CFAP299: variants seen among roughly 807,000 people sequenced by gnomAD.
The protein encoded by CFAP299 is cilia and flagella associated protein 299, also known as cilia- and flagella-associated protein 299.
CFAP299 carries 21 observed loss-of-function variants against 27.0 expected under a neutral mutation model. That is an observed-to-expected ratio of 0.78 (90% CI 0.55 to 1.12). The LOEUF is 1.12. Ranked by LOEUF, CFAP299 falls within the 50% of genes most tolerant of loss-of-function variation. The probability of loss-of-function intolerance (pLI) is 0.00; values close to 1 mark genes in which losing one functional copy is unlikely to be tolerated. For synonymous variants in CFAP299, 104 were observed against 98.1 expected, an observed-to-expected ratio of 1.06 and a Z score of -0.36; for missense variants, 310 against 276.6, an observed-to-expected ratio of 1.12 and a Z score of -0.86.
chr4:80,546,727 C>T lies in CFAP299; in HGVS notation c.243-36366C>T, dbSNP rs114364913. Among the ~76,000 whole-genome samples the T allele has an allele frequency of 8.6e-3, 1,303 of 152,216 alleles. 13 individuals carry two copies. The highest frequency in any genetic ancestry group is 0.027 in the African/African-American group (1,118 of 41,552). ...CTCTCTCTTGCTCCTGCTTTTGCCA[C>T]GTGAAATGCTTGCTCCCACTTTGCC... On this transcript the variant is annotated intron_variant, in intron 2 of 5. Coordinates refer to ENST00000358105, the MANE Select transcript of CFAP299 (RefSeq NM_152770.3).
chr4:80,905,105 A>G (rs1242109958), intron 4 of CFAP299, among the ~76,000 whole-genome samples: 2 of 152,222 alleles, frequency 1.3e-5, no homozygotes, highest in African/African-American at 4.8e-5. Flanking sequence ...AATAGAACCT[A>G]TCCTTTTTAG....
chr4:80,597,344 G>C (rs1737106934), intron 3 of CFAP299, among the ~76,000 whole-genome samples: 1 of 151,942 alleles, frequency 6.6e-6, no homozygotes, highest in African/African-American at 2.4e-5. Flanking sequence ...TGTGTTTATT[G>C]GTCATTTTAA....
At chr4:80,548,244 A>G (rs1560618358) in intron 2 of CFAP299, among the ~76,000 whole-genome samples, 2 of 152,200 alleles carry the variant, frequency 1.3e-5, no homozygotes, top group South Asian at 4.2e-4. Flanking sequence ...ATGTATTAAT[A>G]GCTGGAGGCC....
chr4:80,657,859 G>A (rs550607441), intron 3 of CFAP299, among the ~76,000 whole-genome samples: 11 of 152,246 alleles, frequency 7.2e-5, no homozygotes, highest in Admixed American at 1.3e-4. Context: ...TCCTATCCAT[G>A]AGCATAGAAC....
intron 2 of CFAP299, among the ~76,000 whole-genome samples, chr4:80,543,649 A>G (rs1241893144): frequency 3.3e-5 from 5 of 152,260 alleles, no homozygotes; most frequent in Non-Finnish European, 7.3e-5. Flanking sequence ...GGAGACAACA[A>G]TAATTTTTTA....
chr4:80,683,154 G>A (rs7685092), intron 3 of CFAP299, among the ~76,000 whole-genome samples: 108,034 of 152,040 alleles, frequency 0.71, 41,582 homozygotes, highest in Non-Finnish European at 0.85. Context: ...TGGTGATGGT[G>A]GTGGGAAGGG....
At chr4:80,839,791 C>A (rs150150587) in intron 3 of CFAP299, among the ~76,000 whole-genome samples, 14 of 151,722 alleles carry the variant, frequency 9.2e-5, no homozygotes, top group Admixed American at 4.6e-4. Context: ...CCCTAAATGT[C>A]TTTTAAGGTA....
At chr4:80,542,823 C>A (rs140639457) in intron 2 of CFAP299, among the ~76,000 whole-genome samples, 3 of 152,162 alleles carry the variant, frequency 2.0e-5, no homozygotes, top group Admixed American at 6.5e-5. Context: ...TTGCGTGTGA[C>A]CCTGCTGCTG....
At chr4:80,667,627 T>G (rs1741207836) in intron 3 of CFAP299, among the ~76,000 whole-genome samples, 2 of 152,172 alleles carry the variant, frequency 1.3e-5, no homozygotes, top group African/African-American at 4.8e-5. Context: ...TGACTTCCAG[T>G]TCTATCCATG....
chr4:80,870,693 C>T (rs1191330856), intron 4 of CFAP299: 13 of 985,304 alleles, frequency 1.3e-5, no homozygotes, highest in Non-Finnish European at 1.6e-5. Context: ...TCTTCTACTC[C>T]CTTCTAAATA....
intron 2 of CFAP299, among the ~76,000 whole-genome samples, chr4:80,399,984 T>G (rs1726051649): frequency 6.6e-6 from 1 of 151,352 alleles, no homozygotes; most frequent in Admixed American, 6.6e-5. Flanking sequence ...GTAATTAACA[T>G]TATAGAAATA....
At chr4:80,432,783 A>G (rs1727887834) in intron 2 of CFAP299, among the ~76,000 whole-genome samples, 1 of 151,882 alleles carries the variant, frequency 6.6e-6, no homozygotes, top group Admixed American at 6.6e-5. Flanking sequence ...CGGCCTCCCA[A>G]AGTGCTGGGA....
intron 3 of CFAP299, chr4:80,608,235 C>A: frequency 1.4e-6 from 1 of 708,616 alleles, no homozygotes; most frequent in South Asian, 2.1e-5. Flanking sequence ...CTGATTCCAA[C>A]AGTACCAGAG....
rs187179578 is a variant in CFAP299 at position 80,529,762 on chromosome 4, G to A, written c.243-53331G>A. 8.0e-5 allele frequency among the ~76,000 whole-genome samples: 12 copies of A among 150,024 alleles called. 1 individual carries two copies. Among genetic ancestry groups the A allele is most frequent in the African/African-American group, 2.4e-4 (10 of 40,858 alleles). On this transcript the variant is annotated intron_variant, in intron 2 of 5. Coordinates refer to ENST00000358105, the MANE Select transcript of CFAP299 (RefSeq NM_152770.3). The stretch of plus-strand genomic sequence containing the variant: ...GATACAATCCTTTTTTTTTTTCTTG[G>A]CAAACAAGTCAGGTGCAAGGAAAAG...
intron 3 of CFAP299, among the ~76,000 whole-genome samples, chr4:80,849,800 C>T (rs866079315): frequency 1.3e-5 from 2 of 151,968 alleles, no homozygotes; most frequent in African/African-American, 2.4e-5. Flanking sequence ...TTCTGAAGTT[C>T]TATTGCACAG....
intron 3 of CFAP299, among the ~76,000 whole-genome samples, chr4:80,630,352 T>G (rs1739142693): frequency 6.6e-6 from 1 of 152,178 alleles, no homozygotes; most frequent in South Asian, 2.1e-4. Flanking sequence ...CTGATAACTT[T>G]TCTCTTATCA....
chr4:80,887,727 A>T (rs533465839), intron 4 of CFAP299, among the ~76,000 whole-genome samples: 2 of 152,276 alleles, frequency 1.3e-5, no homozygotes, highest in African/African-American at 4.8e-5. Flanking sequence ...CTTAAGTAGA[A>T]AGACTAAATT....
chr4:80,889,632 G>T (rs1026025456), intron 4 of CFAP299, among the ~76,000 whole-genome samples: 1 of 152,010 alleles, frequency 6.6e-6, no homozygotes, highest in Admixed American at 6.6e-5. Flanking sequence ...TACAAAGCCA[G>T]CATTACCCTA....
chr4:80,858,138 G>T (rs1206681703), intron 3 of CFAP299, among the ~76,000 whole-genome samples: 4 of 152,216 alleles, frequency 2.6e-5, no homozygotes, highest in African/African-American at 7.2e-5. Flanking sequence ...AGTCTTGGGA[G>T]AGTGTATGTG....
Sources: allele counts gnomAD v4.1 joint callset (sites outside exome capture counted in the v4.1 genomes callset), GRCh38; gene constraint gnomAD v4.1.1; transcripts MANE v1.5; gene names NCBI Gene and HGNC (gene_info 2026-07-23, HGNC 2026-07-21).